The following SFTPB variants were observed in gnomAD, a reference collection of about 807,000 sequenced individuals.
The protein encoded by SFTPB is surfactant protein B.
Under a neutral mutation model 51.0 loss-of-function variants are expected in SFTPB, and 32 were observed. The ratio of observed to expected loss-of-function variants is 0.63; its 90% CI spans 0.47 to 0.84. SFTPB has a LOEUF of 0.84. Among genes scored for constraint, SFTPB ranks in the 40% least tolerant of loss-of-function variants. The pLI, the probability that SFTPB is intolerant of heterozygous loss-of-function variation, is 0.00. For synonymous variants in SFTPB, 211 were observed against 208.5 expected (o/e 1.01, Z -0.10); for missense variants, 431 against 491.2 (o/e 0.88, Z 1.16).
chr2:85,665,729 C>A lies in SFTPB; in HGVS notation c.459G>T (p.Glu153Asp), dbSNP rs773765909. The A allele has an allele frequency of 6.2e-7, 1 of 1,614,212 alleles. No homozygotes were observed. The highest frequency in any genetic ancestry group is 1.7e-5 in the Admixed American group (1 of 60,030). The change falls in exon 5 of 11, where the codon GAG becomes GAT. Residue 153 changes from glutamate to aspartate, a missense_variant. Physicochemically the swap from Glu to Asp is conservative, Grantham distance 45 (BLOSUM62 2). Coordinates refer to ENST00000519937, the MANE Select transcript of SFTPB (RefSeq NM_000542.5). ...CKSRQPEPEQ[E>D]PGMSDPLPKP... ...TGGGCAGGGGGTCTGACATCCCTGGCTCCTGCTCTGGCTCTGGCTGCCGGG... is the reference window on the plus strand; with the variant it reads ...TGGGCAGGGGGTCTGACATCCCTGGATCCTGCTCTGGCTCTGGCTGCCGGG...
chr2:85,665,911 G>T, intron 4 of SFTPB, 117 bp from the exon 5 acceptor site: 1 of 964,702 alleles, frequency 1.0e-6, no homozygotes, highest in Non-Finnish European at 1.6e-6. Context: ...TAGTGGGGGT[G>T]CTGTGGTTTA....
At chr2:85,662,258 A>C (rs1677344836) in intron 8 of SFTPB, 149 bp from the exon 9 acceptor site, 1 of 1,489,446 alleles carries the variant, frequency 6.7e-7, no homozygotes, top group East Asian at 2.5e-5. Context: ...TGCAGTTGAA[A>C]CCCTTAACAA....
Position 85,666,704 on chromosome 2 carries a change from G to A in SFTPB, c.306C>T (p.Val102=). 6.2e-7 allele frequency: 1 copy of A among 1,613,878 alleles called. No individual in the cohort carries two copies. Among genetic ancestry groups the A allele is most frequent in the South Asian group, 1.1e-5 (1 of 91,072 alleles). ...GGGGCATGAGCAGCTTCAAGGGGAG[G>A]ACGTTGCACTCCTGCTCCAGGAACT... ...MRKFLEQECN[V]LPLKLLMPQC... is the part of the protein sequence containing the mutation. The change falls in exon 4 of 11, where the codon GTC becomes GTT. Residue 102 remains valine, a synonymous_variant. Coordinates refer to ENST00000519937, the MANE Select transcript of SFTPB (RefSeq NM_000542.5).
Position 85,663,814 on chromosome 2 carries a change from G to A in SFTPB, c.706C>T (p.Arg236Cys), listed in dbSNP as rs137853202. The A allele has an allele frequency of 4.3e-5, 69 of 1,596,014 alleles. 1 individual carries two copies. The African/African-American group carries it at 4.6e-4, about 11-fold the overall frequency. Residue 236 changes from arginine to cysteine, a missense_variant, in exon 7 of 11, where the codon CGC (arginine) becomes TGC (cysteine). Physicochemically the swap from Arg to Cys is radical, Grantham distance 180. Coordinates refer to ENST00000519937, the MANE Select transcript of SFTPB (RefSeq NM_000542.5). The part of the protein sequence containing the change: ...ALAVAVAQVC[R>C]VVPLVAGGIC... ...CCGCCCGCCACCAGAGGTACCACGC[G>A]GCACACCTGGGCCACTGCCACAGCT...
Position 85,661,545 on chromosome 2 carries a change from G to T in SFTPB, c.1084-10C>A. On this transcript the variant is annotated splice_polypyrimidine_tract_variant and intron_variant, in intron 9 of 10. Coordinates refer to ENST00000519937, the MANE Select transcript of SFTPB (RefSeq NM_000542.5). ...CACACACCCCGAGGGCCTGTCACAG[G>T]GACAGCACCAGGGCTGAGGCCTGGG... 6.2e-7 allele frequency: 1 copy of T among 1,609,102 alleles called. No homozygotes were observed. The highest frequency in any genetic ancestry group is 1.1e-5 in the South Asian group (1 of 89,968).
chr2:85,661,958 C>A (rs1455931952), intron 9 of SFTPB, 71 bp downstream of exon 9: 1 of 1,477,198 alleles, frequency 6.8e-7, no homozygotes, highest in Non-Finnish European at 9.3e-7. Context: ...CTCTGAGGAT[C>A]ACGGGCCCAA....
At chr2:85,667,273 C>T (rs1294868411) in intron 2 of SFTPB, 96 bp from the exon 3 acceptor site, 1 of 902,806 alleles carries the variant, frequency 1.1e-6, no homozygotes, top group Non-Finnish European at 1.9e-6. Flanking sequence ...CAACAGAGCA[C>T]TCCAAGGCAC....
At chr2:85,665,867 G>T in intron 4 of SFTPB, 73 bp from the exon 5 acceptor site, 2 of 1,425,666 alleles carry the variant, frequency 1.4e-6, no homozygotes, top group Non-Finnish European at 2.0e-6. Flanking sequence ...CGGCCCAAGG[G>T]CTCAGGGACC....
rs913809921 is a variant in SFTPB, at chr2:85,658,778, C to CTCCTAA, written c.*918_*923dup. ...ACCTCAAGGATCCTCCTGCCTCGGC[C>CTCCTAA]TCCTAAGGTGCTGGGATTGCAGGTG... On this transcript the variant is annotated 3_prime_UTR_variant, in exon 11 of 11. Transcript: ENST00000519937. 1 of 152,192 alleles carries CTCCTAA rather than the reference C, an allele frequency of 6.6e-6. No individual in the cohort carries two copies. The highest frequency in any genetic ancestry group is 1.5e-5 in the Non-Finnish European group (1 of 68,044). The allele number at this position is 152,192 out of a possible 1,614,324, so 9.4% of individuals were successfully genotyped here.
intron 4 of SFTPB, 176 bp downstream of exon 4, chr2:85,666,441 G>GTGTGTT: frequency 1.7e-6 from 1 of 587,254 alleles, no homozygotes; most frequent in South Asian, 1.8e-5. Context: ...GTGTGTGTGT[G>GTGTGTT]TGTGTCCGGC....
intron 4 of SFTPB, 70 bp from the exon 5 acceptor site, chr2:85,665,864 A>T: frequency 6.9e-7 from 1 of 1,454,430 alleles, no homozygotes. Context: ...GGCCGGCCCA[A>T]GGGCTCAGGG....
At chr2:85,661,988 C>T in intron 9 of SFTPB, 41 bp downstream of exon 9, 1 of 1,561,822 alleles carries the variant, frequency 6.4e-7, no homozygotes, top group Non-Finnish European at 8.7e-7. Flanking sequence ...GCTCTGGGAG[C>T]CAAGGGAAGT....
chr2:85,663,194 C>T, intron 8 of SFTPB, 152 bp downstream of exon 8: 1 of 1,097,278 alleles, frequency 9.1e-7, no homozygotes, highest in Non-Finnish European at 1.4e-6. Flanking sequence ...CCCTAACTTA[C>T]AGTCCCACCA....
Position 85,665,670 on chromosome 2 carries a change from AGCAGAGGGTCTG to A in SFTPB, c.506_517del (p.Pro169_Leu172del), listed in dbSNP as rs1199375678. The A allele has an allele frequency of 3.7e-6, 6 of 1,614,168 alleles. No individual in the cohort carries two copies. Among genetic ancestry groups the A allele is most frequent in the East Asian group, 2.2e-5 (1 of 44,862 alleles). ...CAGCACAGGGAGGACGAGCTTGTCC[AGCAGAGGGTCTG>A]GCAGAGGGTCCCGCAGAGGTTTGGG... On this transcript the variant is annotated inframe_deletion, in exon 5 of 11. Coordinates refer to ENST00000519937, the MANE Select transcript of SFTPB (RefSeq NM_000542.5).
chr2:85,667,068 T>G (rs752613746), intron 3 of SFTPB, 38 bp downstream of exon 3: 3 of 1,544,008 alleles, frequency 1.9e-6, no homozygotes, highest in Non-Finnish European at 2.7e-6. Flanking sequence ...CCTCATCTCT[T>G]GGGCCCCAAC....
In SFTPB at chr2:85,661,499, GGA is replaced by G. The variant is rs751886630; in HGVS notation, c.1118_1119del (p.Leu373ProfsTer23). 3.1e-6 allele frequency: 5 copies of G among 1,612,108 alleles called. No individual in the cohort carries two copies. The highest frequency in any genetic ancestry group is 4.2e-6 in the Non-Finnish European group (5 of 1,179,322). On this transcript the variant is annotated frameshift_variant, in exon 10 of 11. Transcript: ENST00000519937. LOFTEE classifies it high-confidence loss of function. ...LGVCGTMSSP[L>X]QCIHSPDL ...CAAAGGTCGGGGCTGTGGATACACT[GGA>G]GAGGGCTGGACATGGTCCCACACAC...
chr2:85,666,454 G>T, intron 4 of SFTPB, 163 bp downstream of exon 4: 2 of 608,340 alleles, frequency 3.3e-6, no homozygotes, highest in Non-Finnish European at 2.9e-6. Context: ...TGTCCGGCTG[G>T]CTGGGGTGCT....
chr2:85,663,855 G>T lies in SFTPB; in HGVS notation c.673-8C>A. ...TGCCACAGCTAGCGCACCCTGGGGC[G>T]GGGGCGGAGAGAGGCCAGCATGGGA... On this transcript the variant is annotated splice_region_variant and splice_polypyrimidine_tract_variant and intron_variant, in intron 6 of 10. Coordinates refer to ENST00000519937, the MANE Select transcript of SFTPB (RefSeq NM_000542.5). 1 of 1,575,778 alleles carries T rather than the reference G, an allele frequency of 6.3e-7. No homozygotes were observed. The highest frequency in any genetic ancestry group is 1.3e-5 in the African/African-American group (1 of 74,378).
At chr2:85,665,839 G>GCCCA (rs763379593) in intron 4 of SFTPB, 45 bp from the exon 5 acceptor site, 2 of 1,590,508 alleles carry the variant, frequency 1.3e-6, no homozygotes. Context: ...TGGGAGGGAA[G>GCCCA]CCCACCCCTA....
Sources: gnomAD v4.1 joint callset for allele counts on GRCh38, gnomAD v4.1.1 for gene constraint, MANE v1.5 for transcripts, NCBI Gene and HGNC (gene_info 2026-07-23, HGNC 2026-07-21) for gene names.